Variants in SETD2 observed in about 807,000 individuals in gnomAD.
SETD2 encodes the protein SET domain containing 2, histone lysine methyltransferase.
A neutral mutation model predicts 242.1 loss-of-function variants in SETD2; 31 were observed. The observed-to-expected ratio is 0.13, with a 90% CI of 0.10 to 0.17. The LOEUF (loss-of-function observed/expected upper bound fraction) is 0.17. SETD2 is among the 10% of genes least tolerant of loss of function. The pLI, the probability that SETD2 is intolerant of heterozygous loss-of-function variation, is 1.00. For missense variants in SETD2, 2,481 were observed against 3,046.3 expected (o/e 0.81, Z 4.37); for synonymous variants, 1,006 against 1,066.5 (o/e 0.94, Z 1.11).
chr3:47,129,541 C>G (rs1360361969), intron 1 of SETD2, among the ~76,000 whole-genome samples: 1 of 152,158 alleles, frequency 6.6e-6, no homozygotes, highest in Non-Finnish European at 1.5e-5. Context: ...TTGTTTAGAT[C>G]ACAGAAAAAG....
At chr3:47,096,529 A>AT (rs914653929) in intron 9 of SETD2, among the ~76,000 whole-genome samples, 2 of 146,402 alleles carry the variant, frequency 1.4e-5, no homozygotes, top group Admixed American at 6.9e-5. Context: ...CTATGAATGC[A>AT]TCACTGAATT....
At chr3:47,022,061 C>T (rs2038244969) in intron 18 of SETD2, among the ~76,000 whole-genome samples, 2 of 145,940 alleles carry the variant, frequency 1.4e-5, no homozygotes, top group Non-Finnish European at 3.0e-5. Flanking sequence ...GCAGGAGAAT[C>T]GCTTGTGCCT....
Position 47,122,037 on chromosome 3 carries a change from A to C in SETD2, c.2599T>G (p.Phe867Val), listed in dbSNP as rs1157218647. The change falls in exon 3 of 21, where the codon TTT (phenylalanine) becomes GTT (valine). Residue 867 changes from phenylalanine (F) to valine (V), a missense_variant. Physicochemically the swap from Phe to Val is conservative, Grantham distance 50. Transcript: ENST00000409792. ...CCAATAGGTTGATATAAATCATCAA[A>C]ATGATTAACAGAAGCTGAACTAGTG... The part of the protein sequence containing the change: ...GSTSSASVNH[F>V]DDLYQPIGSS... The C allele has an allele frequency of 1.2e-6, 2 of 1,613,572 alleles. No homozygotes were observed. The highest frequency in any genetic ancestry group is 1.7e-6 in the Non-Finnish European group (2 of 1,179,660).
At chr3:47,143,324 A>G (rs1295390804) in intron 1 of SETD2, among the ~76,000 whole-genome samples, 1 of 152,114 alleles carries the variant, frequency 6.6e-6, no homozygotes, top group Admixed American at 6.6e-5. Flanking sequence ...TTTATTGGGG[A>G]AAAAACCTTA....
chr3:47,129,361 T>C (rs576464912), intron 1 of SETD2, among the ~76,000 whole-genome samples: 1 of 152,216 alleles, frequency 6.6e-6, no homozygotes, highest in Non-Finnish European at 1.5e-5. Context: ...AATCCAACTT[T>C]CCAGAGACAA....
At chr3:47,112,581 G>A (rs1009034356) in intron 5 of SETD2, among the ~76,000 whole-genome samples, 6 of 148,846 alleles carry the variant, frequency 4.0e-5, no homozygotes, top group Admixed American at 6.7e-5. Context: ...CACGTCCAGC[G>A]TAATTTTGGG....
chr3:47,083,562 G>C (rs1575743716), intron 12 of SETD2, among the ~76,000 whole-genome samples, 158 bp downstream of exon 12: 1 of 152,210 alleles, frequency 6.6e-6, no homozygotes, highest in Admixed American at 6.5e-5. Flanking sequence ...CCACGGTTTA[G>C]AGGATGTTTG....
intron 9 of SETD2, among the ~76,000 whole-genome samples, chr3:47,090,896 T>A (rs1449119929): frequency 6.6e-6 from 1 of 152,218 alleles, no homozygotes; most frequent in Non-Finnish European, 1.5e-5. Flanking sequence ...TAGCTATTTA[T>A]CCCTTAATAT....
chr3:47,141,098 G>A (rs893220017), intron 1 of SETD2, among the ~76,000 whole-genome samples: 3 of 35,870 alleles, frequency 8.4e-5, no homozygotes, highest in African/African-American at 1.1e-4. Flanking sequence ...ACCCACCCCC[G>A]CCCCATTCTA....
chr3:47,033,048 A>T (rs557200044), intron 18 of SETD2, among the ~76,000 whole-genome samples: 2 of 152,284 alleles, frequency 1.3e-5, no homozygotes, highest in South Asian at 4.2e-4. Flanking sequence ...CTAAAAAAAA[A>T]TTCAAAGGTT....
intron 9 of SETD2, among the ~76,000 whole-genome samples, chr3:47,097,327 G>C (rs1280710758): frequency 6.6e-6 from 1 of 152,018 alleles, no homozygotes; most frequent in Non-Finnish European, 1.5e-5. Context: ...CTAGCAAAGG[G>C]ATCCTCAAAA....
chr3:47,079,296 T>C (rs1439869216), intron 12 of SETD2, among the ~76,000 whole-genome samples: 2 of 152,222 alleles, frequency 1.3e-5, no homozygotes, highest in Non-Finnish European at 1.5e-5. Flanking sequence ...CTCAAGTTTC[T>C]GACTTGGTCA....
rs1461772708 is a variant in SETD2 at position 47,124,479 on chromosome 3, G to A, written c.157C>T (p.Arg53Ter). 6.4e-7 allele frequency: 1 copy of A among 1,551,536 alleles called. No individual in the cohort carries two copies. Among genetic ancestry groups the A allele is most frequent in the Non-Finnish European group, 8.7e-7 (1 of 1,146,966 alleles). ...GTTTTGGTGCCTTTGGGCAAAAATC[G>A]ACTAGAAGCAACACCTTTGAACATT... ...GPMFKGVASS[R>*]FLPKGTKTKV... Residue 53 changes from arginine (R) to a stop codon, truncating the protein, a stop_gained, in exon 3 of 21, where the codon CGA (arginine) becomes TGA (stop). Transcript: ENST00000409792. LOFTEE classifies it high-confidence loss of function.
At chr3:47,114,609 TG>T (rs1373208842) in intron 4 of SETD2, among the ~76,000 whole-genome samples, 1 of 152,126 alleles carries the variant, frequency 6.6e-6, no homozygotes, top group Non-Finnish European at 1.5e-5. Flanking sequence ...CTGAGTACGG[TG>T]ATTCATGCCT....
At chr3:47,157,206 T>C (rs1371555926) in intron 1 of SETD2, among the ~76,000 whole-genome samples, 1 of 151,802 alleles carries the variant, frequency 6.6e-6, no homozygotes, top group Non-Finnish European at 1.5e-5. Flanking sequence ...GAGGCTACAG[T>C]GAGCCATCAT....
rs545106614 is a variant in SETD2, at chr3:47,110,644, A to C, written c.4715+3232T>G. Among the ~76,000 whole-genome samples the C allele has an allele frequency of 2.6e-5, 4 of 152,230 alleles. No individual in the cohort carries two copies. The South Asian group carries it at 8.3e-4, about 32-fold the overall frequency. On this transcript the variant is annotated intron_variant, in intron 5 of 20. Transcript: ENST00000409792. ...TAGCTCTGACAATCTGTCCTTATTA[A>C]ATGGTAATACTCTACCAGTAAACAA... is the stretch of plus-strand genomic sequence containing the variant.
intron 13 of SETD2, among the ~76,000 whole-genome samples, chr3:47,064,789 AATAAT>A (rs1029789194): frequency 2.1e-4 from 31 of 147,712 alleles, no homozygotes; most frequent in Admixed American, 6.1e-4. Flanking sequence ...AAATATATAA[AATAAT>A]ATAATATATA....
At chr3:47,125,221 A>C (rs2043280130) in intron 2 of SETD2, among the ~76,000 whole-genome samples, 1 of 152,086 alleles carries the variant, frequency 6.6e-6, no homozygotes, top group South Asian at 2.1e-4. Context: ...TGGGAGGCTG[A>C]GGTGGGAGAA....
intron 12 of SETD2, among the ~76,000 whole-genome samples, chr3:47,068,672 T>C (rs1247694961): frequency 1.3e-5 from 2 of 152,142 alleles, no homozygotes; most frequent in Non-Finnish European, 1.5e-5. Flanking sequence ...AATTTTTGTA[T>C]TTTTAGTAAA....
Sources: gnomAD v4.1 joint callset for allele counts (sites outside exome capture counted in the v4.1 genomes callset) on GRCh38, gnomAD v4.1.1 for gene constraint, MANE v1.5 for transcripts, NCBI Gene and HGNC (gene_info 2026-07-23, HGNC 2026-07-21) for gene names.